Variants in LIPK observed in about 807,000 individuals in gnomAD.
The protein encoded by LIPK is lipase member K.
Under a neutral mutation model 48.6 loss-of-function variants are expected in LIPK, and 32 were observed. That is an observed-to-expected ratio of 0.66 (90% CI 0.50 to 0.88). The LOEUF is 0.88. LIPK is among the 40% of genes least tolerant of loss of function. The pLI, the probability that LIPK is intolerant of heterozygous loss-of-function variation, is 0.00. For missense variants in LIPK, 507 were observed against 478.5 expected, an observed-to-expected ratio of 1.06 and a Z score of -0.56; for synonymous variants, 164 against 157.4, an observed-to-expected ratio of 1.04 and a Z score of -0.32.
At chr10:88,741,885 A>G (rs1842685701) in intron 8 of LIPK, among the ~76,000 whole-genome samples, 1 of 152,172 alleles carries the variant, frequency 6.6e-6, no homozygotes, top group African/African-American at 2.4e-5. Context: ...AGTGTCTTTC[A>G]CACTACTATA....
At position 88,731,059 on chromosome 10, in the gene LIPK, C is replaced by G. The variant is rs746113234; in HGVS notation, c.300C>G (p.Asn100Lys). 6.2e-7 allele frequency: 1 copy of G among 1,602,704 alleles called. No individual in the cohort carries two copies. Among genetic ancestry groups the G allele is most frequent in the African/African-American group, 1.3e-5 (1 of 74,798 alleles). Residue 100 changes from asparagine (N) to lysine (K), a missense_variant, in exon 4 of 10, where the codon AAC (asparagine) becomes AAG (lysine). By Grantham distance (94) the Asn-to-Lys change is moderately conservative. Coordinates refer to ENST00000404190, the MANE Select transcript of LIPK (RefSeq NM_001080518.2). Reference sequence around the variant, plus strand: ...ACTGGATTTGCAACCTGCCCAACAACAGTTTGGCTTTCCTTCTGGCAGATA... The same window carrying G: ...ACTGGATTTGCAACCTGCCCAACAAGAGTTTGGCTTTCCTTCTGGCAGATA... ...ASNWICNLPN[N>K]SLAFLLADSG...
At chr10:88,733,748 A>T (rs938784703) in intron 6 of LIPK, among the ~76,000 whole-genome samples, 1 of 152,184 alleles carries the variant, frequency 6.6e-6, no homozygotes, top group Non-Finnish European at 1.5e-5. Context: ...GCTCTCTTCA[A>T]ACTTCTGCAT....
chr10:88,707,097 TTTTG>T (rs1402788830), intron 1 of LIPK, among the ~76,000 whole-genome samples: 2 of 152,274 alleles, frequency 1.3e-5, no homozygotes, highest in African/African-American at 2.4e-5. Context: ...AACTGTTATT[TTTTG>T]TTTGTTTTTA....
At chr10:88,707,408 G>T (rs1381586506) in intron 1 of LIPK, among the ~76,000 whole-genome samples, 2 of 151,960 alleles carry the variant, frequency 1.3e-5, no homozygotes, top group African/African-American at 4.8e-5. Context: ...CTTCCTTTGT[G>T]GTTTATTTTA....
chr10:88,715,678 T>C (rs920930412), intron 1 of LIPK, among the ~76,000 whole-genome samples: 18 of 152,180 alleles, frequency 1.2e-4, no homozygotes, highest in African/African-American at 3.6e-4. Flanking sequence ...GCCATTCTGA[T>C]CTTTCACTAT....
chr10:88,709,448 C>T (rs1258464107), intron 1 of LIPK, among the ~76,000 whole-genome samples: 4 of 152,008 alleles, frequency 2.6e-5, no homozygotes, highest in Non-Finnish European at 5.9e-5. Context: ...CCCCACCCCC[C>T]GACAGGCCCC....
Position 88,731,043 on chromosome 10 carries a change from G to A in LIPK, c.284G>A (p.Cys95Tyr). The A allele has an allele frequency of 6.3e-7, 1 of 1,599,032 alleles. No homozygotes were observed. Among genetic ancestry groups the A allele is most frequent in the Non-Finnish European group, 8.5e-7 (1 of 1,172,272 alleles). Residue 95 changes from cysteine to tyrosine, a missense_variant, in exon 4 of 10, where the codon TGC becomes TAC. By Grantham distance (194) the Cys-to-Tyr change is radical. Transcript: ENST00000404190. ...ATTGCATCTGCCAGTAACTGGATTTGCAACCTGCCCAACAACAGTTTGGCT... is the reference window on the plus strand; with the variant it reads ...ATTGCATCTGCCAGTAACTGGATTTACAACCTGCCCAACAACAGTTTGGCT... ...GLIASASNWI[C>Y]NLPNNSLAFL...
chr10:88,739,612 T>G (rs948750171), intron 7 of LIPK, among the ~76,000 whole-genome samples: 1 of 151,884 alleles, frequency 6.6e-6, no homozygotes, highest in Non-Finnish European at 1.5e-5. Context: ...TCCCAGCACT[T>G]TGGGAAGCTG....
intron 2 of LIPK, among the ~76,000 whole-genome samples, 189 bp from the exon 3 acceptor site, chr10:88,726,606 A>G (rs566776725): frequency 6.6e-6 from 1 of 152,262 alleles, no homozygotes; most frequent in Non-Finnish European, 1.5e-5. Context: ...AGGTGGGAGG[A>G]TAGCTTGAGC....
chr10:88,728,334 T>A (rs1842387640), intron 3 of LIPK: 2 of 183,524 alleles, frequency 1.1e-5, no homozygotes, highest in Non-Finnish European at 1.1e-5. Flanking sequence ...GCCGAGAGCA[T>A]GCACCACCAG....
In LIPK at chr10:88,726,781, T is replaced by G. The variant is rs572327163; in HGVS notation, c.106-14T>G. The G allele has an allele frequency of 7.9e-7, 1 of 1,261,156 alleles. No individual in the cohort carries two copies. The highest frequency in any genetic ancestry group is 2.3e-5 in the East Asian group (1 of 43,034). 78.1% of individuals were successfully genotyped at this position (1,261,156 alleles called of 1,614,324 possible). ...TTATAACATGAAGGTATATATTTCCTTTCCTCTTTTTAGAGCCAGATTATT... is the reference window on the plus strand; with the variant it reads ...TTATAACATGAAGGTATATATTTCCGTTCCTCTTTTTAGAGCCAGATTATT... On this transcript the variant is annotated splice_polypyrimidine_tract_variant and intron_variant, in intron 2 of 9. Transcript: ENST00000404190.
intron 1 of LIPK, among the ~76,000 whole-genome samples, chr10:88,708,596 G>T (rs1389188886): frequency 6.6e-6 from 1 of 151,826 alleles, no homozygotes; most frequent in African/African-American, 2.4e-5. Flanking sequence ...CATTGCTAAG[G>T]TGCACTTTAT....
At chr10:88,707,177 G>A (rs1340835540) in intron 1 of LIPK, among the ~76,000 whole-genome samples, 4 of 151,826 alleles carry the variant, frequency 2.6e-5, no homozygotes, top group Admixed American at 1.3e-4. Context: ...GGCTTTCTTT[G>A]TGTCTGAAAA....
chr10:88,726,224 C>G (rs1476837163), intron 2 of LIPK, among the ~76,000 whole-genome samples: 4 of 152,144 alleles, frequency 2.6e-5, no homozygotes, highest in African/African-American at 9.7e-5. Flanking sequence ...AATACCAGGC[C>G]AGCAGGCAAA....
intron 1 of LIPK, among the ~76,000 whole-genome samples, chr10:88,710,621 C>T (rs1001992682): frequency 2.6e-5 from 4 of 152,094 alleles, no homozygotes; most frequent in African/African-American, 7.2e-5. Context: ...GCGCTTTTTT[C>T]ATTCGGCATA....
intron 7 of LIPK, 114 bp from the exon 8 acceptor site, chr10:88,739,878 TAAAA>T (rs933165964): frequency 3.5e-6 from 2 of 575,094 alleles, no homozygotes; most frequent in Non-Finnish European, 5.8e-6. Flanking sequence ...AAAATAAAAA[TAAAA>T]AAAAGAAAGA....
chr10:88,716,788 A>C (rs1299342515), intron 1 of LIPK, among the ~76,000 whole-genome samples: 1 of 152,224 alleles, frequency 6.6e-6, no homozygotes, highest in Non-Finnish European at 1.5e-5. Flanking sequence ...TAAAGACTGC[A>C]AAAAGAAATC....
chr10:88,720,611 C>T lies in LIPK; in HGVS notation c.-11-3922C>T, dbSNP rs781131935. ...GACTATAGTGAACCTTAATTATAAA[C>T]TAAGGCTCTCCAAATAAGTGATGTT... On this transcript the variant is annotated intron_variant, in intron 1 of 9. Coordinates refer to ENST00000404190, the MANE Select transcript of LIPK (RefSeq NM_001080518.2). 7.2e-5 allele frequency among the ~76,000 whole-genome samples: 11 copies of T among 152,014 alleles called. 1 individual carries two copies. Among genetic ancestry groups the T allele is most frequent in the South Asian group, 2.1e-4 (1 of 4,826 alleles).
At chr10:88,712,951 A>C (rs1208040815) in intron 1 of LIPK, among the ~76,000 whole-genome samples, 1 of 152,218 alleles carries the variant, frequency 6.6e-6, no homozygotes, top group Non-Finnish European at 1.5e-5. Context: ...CTTTTGAATA[A>C]GATTTTCAGC....
Sources: allele counts gnomAD v4.1 joint callset (sites outside exome capture counted in the v4.1 genomes callset), GRCh38; gene constraint gnomAD v4.1.1; transcripts MANE v1.5; gene names NCBI Gene and HGNC (gene_info 2026-07-23, HGNC 2026-07-21).